Variants in CHD9 observed in about 807,000 individuals in gnomAD.
CHD9 encodes ATP-dependent chromatin remodeler CHD9.
CHD9 carries 77 observed loss-of-function variants against 316.1 expected under a neutral mutation model. That is an observed-to-expected ratio of 0.24 (90% CI 0.20 to 0.29). CHD9 has a LOEUF of 0.29. CHD9 is among the 10% of genes least tolerant of loss of function. The pLI, the probability that CHD9 is intolerant of heterozygous loss-of-function variation, is 1.00. For synonymous variants in CHD9, 1,129 were observed against 1,158.3 expected (o/e 0.97, Z 0.51); for missense variants, 2,763 against 3,438.1 (o/e 0.80, Z 4.91).
chr16:53,192,060 C>T (rs1258325321), intron 2 of CHD9, among the ~76,000 whole-genome samples: 4 of 145,982 alleles, frequency 2.7e-5, no homozygotes, highest in Non-Finnish European at 6.0e-5. Flanking sequence ...GAGTGAGACT[C>T]CATCTCAAAA....
Position 53,245,988 on chromosome 16 carries a change from A to G in CHD9, c.3454+138A>G, listed in dbSNP as rs1459900354. On this transcript the variant is annotated intron_variant, in intron 15 of 38. Transcript: ENST00000447540. The surrounding 1 kb of genome is among the most constrained non-coding windows in gnomAD (Gnocchi z 4.1). ...TCTAAGGAATTACAAGTGTTACAGA[A>G]TCAGAGGCAATGTGAACTGCTTTGT... 3 of 590,076 alleles carry G rather than the reference A, an allele frequency of 5.1e-6. No individual in the cohort carries two copies. The highest frequency in any genetic ancestry group is 3.9e-5 in the Admixed American group (1 of 25,432). 36.6% of individuals were successfully genotyped at this position (590,076 alleles called of 1,614,324 possible).
intron 2 of CHD9, among the ~76,000 whole-genome samples, chr16:53,170,412 C>T (rs1021941472): frequency 1.3e-5 from 2 of 152,170 alleles, no homozygotes; most frequent in African/African-American, 4.8e-5. Flanking sequence ...GTCAAGCCAA[C>T]TCTGTGCTAT....
At chr16:53,191,662 C>T (rs1385268686) in intron 2 of CHD9, among the ~76,000 whole-genome samples, 2 of 152,152 alleles carry the variant, frequency 1.3e-5, no homozygotes, top group Non-Finnish European at 2.9e-5. Flanking sequence ...ACAATTTACT[C>T]ATATGCCTCT....
chr16:53,195,438 T>C (rs2044822806), intron 2 of CHD9, among the ~76,000 whole-genome samples: 1 of 152,222 alleles, frequency 6.6e-6, no homozygotes, highest in Admixed American at 6.5e-5. Context: ...CATGGCTTCC[T>C]TGGGTCAGGT....
chr16:53,310,378 C>T (rs1385265558), intron 34 of CHD9, among the ~76,000 whole-genome samples: 5 of 151,410 alleles, frequency 3.3e-5, no homozygotes, highest in Non-Finnish European at 1.5e-5. Context: ...GCTGTGCGTT[C>T]TTTTGCCCAA....
At chr16:53,323,991 GATT>G in intron 38 of CHD9, 26 bp from the exon 39 acceptor site, 1 of 1,530,832 alleles carries the variant, frequency 6.5e-7, no homozygotes, top group Non-Finnish European at 8.9e-7. Flanking sequence ...TTCATGTAGG[GATT>G]ATTAATGAAT....
intron 1 of CHD9, among the ~76,000 whole-genome samples, chr16:53,071,963 G>A (rs77870689): frequency 6.6e-6 from 1 of 152,120 alleles, no homozygotes; most frequent in East Asian, 1.9e-4. Context: ...TCTTTTTCAG[G>A]CATTGAGTTT....
chr16:53,072,947 G>A (rs534747199), intron 1 of CHD9, among the ~76,000 whole-genome samples: 4 of 152,054 alleles, frequency 2.6e-5, no homozygotes, highest in South Asian at 2.1e-4. Flanking sequence ...CACCCGCCTC[G>A]GTCTCCCAAA....
Position 53,297,162 on chromosome 16 carries a change from T to C in CHD9, c.5713+4T>C, listed in dbSNP as rs200446143. On this transcript the variant is annotated splice_donor_region_variant and intron_variant, in intron 30 of 38. Coordinates refer to ENST00000447540, the MANE Select transcript of CHD9 (RefSeq NM_001308319.2). The stretch of plus-strand genomic sequence containing the variant: ...TGTCGTCTTCCTTCCAAAGAAGGTA[T>C]GTATAAAATTTCTTTTTCCTGGTTT... 5.3e-5 allele frequency: 84 copies of C among 1,594,630 alleles called. No homozygotes were observed. The African/African-American group carries it at 1.0e-3, about 19-fold the overall frequency.
chr16:53,217,937 TTTCTTTCTTTCTTTCTTTC>T (rs889386977), intron 3 of CHD9, among the ~76,000 whole-genome samples: 10 of 138,014 alleles, frequency 7.2e-5, no homozygotes, highest in South Asian at 5.0e-4. Context: ...TCTTTCTTTC[TTTCTTTCTTTCTTTCTTTC>T]TTTTTTTTTT....
chr16:53,221,514 G>A (rs903966653), intron 3 of CHD9, among the ~76,000 whole-genome samples: 3 of 151,984 alleles, frequency 2.0e-5, no homozygotes, highest in African/African-American at 4.8e-5. Context: ...AATAATTACC[G>A]TGGTTTAAAA....
At chr16:53,265,432 T>C (rs1025003251) in intron 20 of CHD9, among the ~76,000 whole-genome samples, 50 of 151,822 alleles carry the variant, frequency 3.3e-4, no homozygotes, top group Non-Finnish European at 1.5e-4. Context: ...AAAAATAAAA[T>C]ACATTAATAT....
intron 1 of CHD9, among the ~76,000 whole-genome samples, chr16:53,125,389 A>AT (rs1425246577): frequency 6.6e-6 from 1 of 151,594 alleles, no homozygotes; most frequent in Admixed American, 6.6e-5. Context: ...ATGCCTGGCT[A>AT]TTTTTTGTAT....
chr16:53,282,584 G>A (rs543995647), intron 24 of CHD9, among the ~76,000 whole-genome samples: 62 of 152,276 alleles, frequency 4.1e-4, no homozygotes, highest in Non-Finnish European at 7.4e-4. Flanking sequence ...ACCAGCCTGG[G>A]TGACAGAATG....
intron 1 of CHD9, among the ~76,000 whole-genome samples, chr16:53,151,391 T>C (rs929600976): frequency 2.0e-5 from 3 of 151,826 alleles, no homozygotes; most frequent in Non-Finnish European, 4.4e-5. Context: ...GTAGCTGGGA[T>C]TACAGGCGCC....
chr16:53,157,650 C>A, intron 2 of CHD9, 109 bp downstream of exon 2: 2 of 1,033,126 alleles, frequency 1.9e-6, no homozygotes, highest in Non-Finnish European at 2.8e-6. Flanking sequence ...CTTGGTAATT[C>A]CATTAAGTGA....
At chr16:53,317,269 G>A (rs907801096) in intron 36 of CHD9, among the ~76,000 whole-genome samples, 17 of 151,892 alleles carry the variant, frequency 1.1e-4, no homozygotes, top group Non-Finnish European at 2.2e-4. Flanking sequence ...TGGGGTAATA[G>A]TAAATAAACA....
Position 53,157,400 on chromosome 16 carries a change from TCGG to T in CHD9, c.1313_1315del (p.Arg438del), listed in dbSNP as rs1206436367. 1.2e-6 allele frequency: 2 copies of T among 1,613,910 alleles called. No homozygotes were observed. The highest frequency in any genetic ancestry group is 2.2e-5 in the South Asian group (2 of 91,084). On this transcript the variant is annotated inframe_deletion, in exon 2 of 39. Transcript: ENST00000447540. ...GTCACATTTTAGATCATGACCTTGA[TCGG>T]CAGTTTACTTCGCATCTGGTAACAC...
chr16:53,174,323 A>T (rs1358530068), intron 2 of CHD9, among the ~76,000 whole-genome samples: 2 of 152,202 alleles, frequency 1.3e-5, no homozygotes, highest in Admixed American at 1.3e-4. Flanking sequence ...GTGTTATTTA[A>T]TTATATTTGC....
Sources: allele counts gnomAD v4.1 joint callset (sites outside exome capture counted in the v4.1 genomes callset), GRCh38; gene constraint gnomAD v4.1.1; non-coding constraint Gnocchi (gnomAD v3.1); transcripts MANE v1.5; gene names NCBI Gene and HGNC (gene_info 2026-07-23, HGNC 2026-07-21).